Variants in ZNF184 observed in about 807,000 individuals in gnomAD.
ZNF184 encodes zinc finger protein 184 (Kruppel-like).
Under a neutral mutation model 54.4 loss-of-function variants are expected in ZNF184, and 16 were observed. The ratio of observed to expected loss-of-function variants is 0.29; its 90% CI spans 0.20 to 0.45. ZNF184 has a LOEUF of 0.45. Ranked by LOEUF, ZNF184 falls within the 20% of genes least tolerant of loss-of-function variation. The pLI is 1.00. For missense variants in ZNF184, 681 were observed against 888.2 expected, an observed-to-expected ratio of 0.77 and a Z score of 2.97; for synonymous variants, 254 against 295.3, an observed-to-expected ratio of 0.86 and a Z score of 1.43.
the ZNF184 span, among the ~76,000 whole-genome samples, chr6:27,416,214 C>T: frequency 6.6e-6 from 1 of 152,120 alleles, no homozygotes; most frequent in Non-Finnish European, 1.5e-5. Context: ...TAACAGTGTC[C>T]TAGTTTCCTT....
chr6:27,414,602 A>C, the ZNF184 span, among the ~76,000 whole-genome samples: 1 of 151,686 alleles, frequency 6.6e-6, no homozygotes, highest in South Asian at 2.1e-4. Flanking sequence ...TCAGATATCC[A>C]GATGGCTCTT....
At chr6:27,423,049 G>A in the ZNF184 span, among the ~76,000 whole-genome samples, 1 of 152,250 alleles carries the variant, frequency 6.6e-6, no homozygotes, top group African/African-American at 2.4e-5. Flanking sequence ...AGTGGCCTCG[G>A]AGGGAGGCCT....
chr6:27,470,843 TA>T (rs1337127287), intron 2 of ZNF184, among the ~76,000 whole-genome samples: 5 of 152,058 alleles, frequency 3.3e-5, no homozygotes, highest in Admixed American at 6.5e-5. Flanking sequence ...ATCCACAAAA[TA>T]AAGAAAATAC....
chr6:27,456,199 A>T (rs758412041), intron 5 of ZNF184, among the ~76,000 whole-genome samples: 2 of 152,116 alleles, frequency 1.3e-5, no homozygotes, highest in Non-Finnish European at 2.9e-5. Context: ...CAGAAGCTGC[A>T]GTGAGCCAAG....
the ZNF184 span, chr6:27,408,117 T>C: frequency 1.4e-6 from 1 of 692,714 alleles, no homozygotes; most frequent in Non-Finnish European, 2.6e-6. Flanking sequence ...TAAAAACCTG[T>C]AGCAGTTTGT....
the ZNF184 span, among the ~76,000 whole-genome samples, chr6:27,429,766 G>A: frequency 6.6e-6 from 1 of 152,130 alleles, no homozygotes; most frequent in Non-Finnish European, 1.5e-5. Flanking sequence ...TCTGTGGGCA[G>A]GGGGGCAAAC....
At chr6:27,440,866 G>GT in the ZNF184 span, among the ~76,000 whole-genome samples, 1 of 152,038 alleles carries the variant, frequency 6.6e-6, no homozygotes, top group Admixed American at 6.6e-5. Context: ...TTAGCCGGGC[G>GT]TGGTGGTGGG....
intron 3 of ZNF184, among the ~76,000 whole-genome samples, chr6:27,463,608 C>T (rs2113728784): frequency 6.6e-6 from 1 of 151,670 alleles, no homozygotes; most frequent in African/African-American, 2.4e-5. Context: ...TGATTTTAAC[C>T]ACAAAAAAAT....
the ZNF184 span, among the ~76,000 whole-genome samples, chr6:27,411,611 G>A: frequency 6.6e-6 from 1 of 152,210 alleles, no homozygotes; most frequent in East Asian, 1.9e-4. Context: ...AAACTTTGGG[G>A]TTTGCAGTGA....
chr6:27,407,693 C>T, the ZNF184 span: 2 of 697,584 alleles, frequency 2.9e-6, no homozygotes, highest in Non-Finnish European at 5.3e-6. Context: ...TTGGCCTATT[C>T]CTTGACCCAA....
chr6:27,465,171 AAAG>A (rs869069329), intron 3 of ZNF184, among the ~76,000 whole-genome samples: 1,857 of 144,186 alleles, frequency 0.013, 37 homozygotes, highest in African/African-American at 0.044. Context: ...TTTAAAAAAA[AAAG>A]AAAAGAAAAG....
the ZNF184 span, among the ~76,000 whole-genome samples, chr6:27,424,684 G>T: frequency 3.3e-5 from 5 of 152,188 alleles, no homozygotes; most frequent in South Asian, 8.3e-4. Context: ...ACAGAGTGCC[G>T]ATTGGTGTAT....
At chr6:27,418,276 G>A in the ZNF184 span, among the ~76,000 whole-genome samples, 1 of 152,152 alleles carries the variant, frequency 6.6e-6, no homozygotes, top group South Asian at 2.1e-4. Context: ...CCATAACACA[G>A]TGCACGTTGC....
the ZNF184 span, among the ~76,000 whole-genome samples, chr6:27,421,974 G>A: frequency 6.6e-6 from 1 of 151,712 alleles, no homozygotes; most frequent in African/African-American, 2.4e-5. Context: ...AGGAAGCTGA[G>A]GTGGGAGGAT....
chr6:27,470,442 T>C (rs1367810456), intron 2 of ZNF184, among the ~76,000 whole-genome samples: 1 of 152,190 alleles, frequency 6.6e-6, no homozygotes, highest in Non-Finnish European at 1.5e-5. Context: ...TTAATTTATA[T>C]TAATGGTGTC....
the ZNF184 span, among the ~76,000 whole-genome samples, chr6:27,432,472 C>T: frequency 2.0e-5 from 3 of 152,300 alleles, no homozygotes; most frequent in South Asian, 2.1e-4. This position sits in a 1 kb window ranked among gnomAD's most constrained non-coding sequence, Gnocchi z 4.0. Flanking sequence ...AAAAAAATCT[C>T]TATTAGCCGT....
chr6:27,419,243 T>G, the ZNF184 span, among the ~76,000 whole-genome samples: 1 of 152,106 alleles, frequency 6.6e-6, no homozygotes, highest in East Asian at 1.9e-4. This position sits in a 1 kb window ranked among gnomAD's most constrained non-coding sequence, Gnocchi z 4.8. Flanking sequence ...TTAGCTGGGA[T>G]TACAGGCCTG....
chr6:27,454,223 A>G (rs909822529), intron 5 of ZNF184, among the ~76,000 whole-genome samples: 17 of 152,170 alleles, frequency 1.1e-4, no homozygotes, highest in African/African-American at 3.9e-4. Context: ...AGCAGACCCC[A>G]GAGGATCCTG....
the ZNF184 span, among the ~76,000 whole-genome samples, chr6:27,436,824 A>G: frequency 6.6e-6 from 1 of 152,146 alleles, no homozygotes; most frequent in Admixed American, 6.5e-5. Flanking sequence ...AGCTCAGTAC[A>G]TTTTTCTTGA....
Sources: allele counts gnomAD v4.1 joint callset (sites outside exome capture counted in the v4.1 genomes callset), GRCh38; gene constraint gnomAD v4.1.1; non-coding constraint Gnocchi (gnomAD v3.1); transcripts MANE v1.5; gene names NCBI Gene and HGNC (gene_info 2026-07-23, HGNC 2026-07-21).